The following RAB4A variants were observed in gnomAD, a reference collection of about 807,000 sequenced individuals.
The protein encoded by RAB4A is RAB4A, member RAS oncogene family, also known as ras-related protein Rab-4A.
In RAB4A, 20 loss-of-function variants were observed where a neutral mutation model predicts 34.5. That is an observed-to-expected ratio of 0.58 (90% CI 0.41 to 0.84). The LOEUF (loss-of-function observed/expected upper bound fraction) is 0.84. Ranked by LOEUF, RAB4A falls within the 40% of genes least tolerant of loss-of-function variation. The probability of loss-of-function intolerance (pLI) is 0.00; values close to 1 mark genes in which losing one functional copy is unlikely to be tolerated. For synonymous variants in RAB4A, 102 were observed against 100.0 expected, an observed-to-expected ratio of 1.02 and a Z score of -0.12; for missense variants, 228 against 274.5, an observed-to-expected ratio of 0.83 and a Z score of 1.20.
intron 6 of RAB4A, among the ~76,000 whole-genome samples, chr1:229,302,309 ATTTTTTTT>A (rs869095524): frequency 7.2e-4 from 26 of 35,898 alleles, no homozygotes; most frequent in Non-Finnish European, 1.3e-3. Flanking sequence ...ATATATATAT[ATTTTTTTT>A]TTTTTTTTAC....
chr1:229,290,472 T>C (rs910595050), intron 3 of RAB4A, among the ~76,000 whole-genome samples: 1 of 152,188 alleles, frequency 6.6e-6, no homozygotes, highest in African/African-American at 2.4e-5. Flanking sequence ...ACATTTTGCT[T>C]TCCCAGTCAA....
chr1:229,300,534 G>A (rs1248959089), intron 6 of RAB4A, among the ~76,000 whole-genome samples: 3 of 152,204 alleles, frequency 2.0e-5, no homozygotes, highest in Non-Finnish European at 4.4e-5. Flanking sequence ...TCTTAGGTGG[G>A]ACAAGGTGAG....
intron 1 of RAB4A, among the ~76,000 whole-genome samples, chr1:229,279,418 C>T (rs1385997465): frequency 6.6e-6 from 1 of 152,142 alleles, no homozygotes. Context: ...CCCTGCTGTC[C>T]CCATCTGCCT....
At chr1:229,281,257 TTGTC>T (rs60310291) in intron 1 of RAB4A, among the ~76,000 whole-genome samples, 17,459 of 152,152 alleles carry the variant, frequency 0.11, 1,035 homozygotes, top group African/African-American at 0.16. Context: ...AATGGTGAGT[TTGTC>T]TGTTTGGCCT....
chr1:229,293,097 G>A (rs1657137569), intron 3 of RAB4A, among the ~76,000 whole-genome samples: 1 of 152,104 alleles, frequency 6.6e-6, no homozygotes, highest in Non-Finnish European at 1.5e-5. Context: ...ATTTTTCCTG[G>A]CATTTACTGG....
intron 1 of RAB4A, 29 bp from the exon 2 acceptor site, chr1:229,286,457 T>G: frequency 7.2e-7 from 1 of 1,380,258 alleles, no homozygotes; most frequent in Non-Finnish European, 1.0e-6. Context: ...ATTTTGAAGT[T>G]ATTTTCACAG....
intron 5 of RAB4A, among the ~76,000 whole-genome samples, chr1:229,298,362 A>G (rs1326085268): frequency 6.6e-6 from 1 of 152,208 alleles, no homozygotes; most frequent in African/African-American, 2.4e-5. Flanking sequence ...GAAGTTTAGA[A>G]TGTTAACAAA....
Position 229,294,110 on chromosome 1 carries a change from G to A in RAB4A, c.228-1738G>A, listed in dbSNP as rs549766269. Among the ~76,000 whole-genome samples the A allele has an allele frequency of 3.9e-5, 6 of 152,340 alleles. No homozygotes were observed. The East Asian group carries it at 7.7e-4, about 20-fold the overall frequency. ...AGCTGATTTGCTTTAGAAACAGGGT[G>A]CGTGGTGATGCCTCTTCCTAGGCCA... On this transcript the variant is annotated intron_variant, in intron 3 of 7. Coordinates refer to ENST00000366690, the MANE Select transcript of RAB4A (RefSeq NM_004578.4).
chr1:229,285,587 T>A (rs772981474), intron 1 of RAB4A, among the ~76,000 whole-genome samples: 3 of 152,084 alleles, frequency 2.0e-5, no homozygotes, highest in Non-Finnish European at 4.4e-5. Context: ...GCAGAGCCTT[T>A]GAGGCCACAG....
intron 1 of RAB4A, among the ~76,000 whole-genome samples, chr1:229,279,269 C>A (rs539940260): frequency 6.6e-6 from 1 of 152,268 alleles, no homozygotes; most frequent in South Asian, 2.1e-4. Context: ...AAGACGATTG[C>A]TTGGGGAAAA....
rs763747463 is a variant in RAB4A, at chr1:229,286,529, C to T, written c.75C>T (p.Gly25=). 3 of 1,581,166 alleles carry T rather than the reference C, an allele frequency of 1.9e-6. No homozygotes were observed. Among genetic ancestry groups the T allele is most frequent in the Admixed American group, 1.8e-5 (1 of 54,320 alleles). ...KFLVIGNAGT[G]KSCLLHQFIE... ...TGGTTATTGGAAATGCAGGAACTGG[C>T]AAATCTTGCTTACTTCATCAGTTTA... Residue 25 remains glycine (G), a synonymous_variant, in exon 2 of 8, where the codon GGC becomes GGT. Transcript: ENST00000366690.
At chr1:229,280,727 A>G (rs1656758373) in intron 1 of RAB4A, among the ~76,000 whole-genome samples, 1 of 152,194 alleles carries the variant, frequency 6.6e-6, no homozygotes, top group African/African-American at 2.4e-5. Context: ...CAGATACAGG[A>G]CACTTCCGTC....
intron 1 of RAB4A, among the ~76,000 whole-genome samples, chr1:229,274,571 T>C (rs1656592085): frequency 6.6e-6 from 1 of 152,242 alleles, no homozygotes; most frequent in Non-Finnish European, 1.5e-5. Flanking sequence ...AGTCTGAATA[T>C]GAAACAGTTC....
chr1:229,282,652 G>A (rs1207638422), intron 1 of RAB4A, among the ~76,000 whole-genome samples: 1 of 152,080 alleles, frequency 6.6e-6, no homozygotes, highest in Admixed American at 6.6e-5. Context: ...GTTCAGATTG[G>A]ATACTTTATC....
intron 5 of RAB4A, 52 bp from the exon 6 acceptor site, chr1:229,298,925 A>G: frequency 7.3e-7 from 1 of 1,370,162 alleles, no homozygotes; most frequent in South Asian, 1.2e-5. Context: ...TGTAAGTGAA[A>G]ATTATGATCA....
chr1:229,305,092 AT>A lies in RAB4A; in HGVS notation c.*1303del. On this transcript the variant is annotated 3_prime_UTR_variant, in exon 8 of 8. Coordinates refer to ENST00000366690, the MANE Select transcript of RAB4A (RefSeq NM_004578.4). ...AAGATGCCTACTGCTTTTGTTGTTT[AT>A]TTTAATCAGCAGAGCACAGAGACAC... is the stretch of plus-strand genomic sequence containing the variant. 6.7e-7 allele frequency: 1 copy of A among 1,484,732 alleles called. No individual in the cohort carries two copies. 92.0% of individuals were successfully genotyped at this position (1,484,732 alleles called of 1,614,324 possible). A position where few individuals can be genotyped will look rare whatever the true frequency, so the allele number is the denominator to read the frequency against.
At chr1:229,296,775 T>C (rs550739152) in intron 4 of RAB4A, among the ~76,000 whole-genome samples, 8 of 152,240 alleles carry the variant, frequency 5.3e-5, no homozygotes, top group Non-Finnish European at 1.0e-4. Flanking sequence ...GAAGGCAGTT[T>C]CTGGCCCAGC....
At chr1:229,302,298 TATATATATA>T (rs1475238434) in intron 6 of RAB4A, among the ~76,000 whole-genome samples, 15 of 33,516 alleles carry the variant, frequency 4.5e-4, no homozygotes, top group African/African-American at 1.4e-3. Context: ...TATATATATA[TATATATATA>T]TATTTTTTTT....
In RAB4A at chr1:229,271,288, A is replaced by G. The variant is rs1656461397; in HGVS notation, c.-52A>G. On this transcript the variant is annotated 5_prime_UTR_variant, in exon 1 of 8. Coordinates refer to ENST00000366690, the MANE Select transcript of RAB4A (RefSeq NM_004578.4). ...CTTCCCCACCGAGACGCGCCGGCGG[A>G]CCGCGGGCGAGTGCAGCCGGTGACC... 6.1e-6 allele frequency: 8 copies of G among 1,319,004 alleles called. No homozygotes were observed. Among genetic ancestry groups the G allele is most frequent in the South Asian group, 2.0e-5 (1 of 51,266 alleles). The allele number at this position is 1,319,004 out of a possible 1,614,324, so 81.7% of individuals were successfully genotyped here.
Sources: allele counts gnomAD v4.1 joint callset (sites outside exome capture counted in the v4.1 genomes callset), GRCh38; gene constraint gnomAD v4.1.1; transcripts MANE v1.5; gene names NCBI Gene and HGNC (gene_info 2026-07-23, HGNC 2026-07-21).